EFHD2: variants seen among roughly 807,000 people sequenced by gnomAD.
EFHD2 encodes the protein EF-hand domain family member D2.
Under a neutral mutation model 20.3 loss-of-function variants are expected in EFHD2, and 12 were observed. The ratio of observed to expected loss-of-function variants is 0.59; its 90% CI spans 0.38 to 0.96. The LOEUF is 0.96. EFHD2 is among the 40% of genes least tolerant of loss of function. The pLI, the probability that EFHD2 is intolerant of heterozygous loss-of-function variation, is 0.00. For missense variants in EFHD2, 250 were observed against 334.3 expected (o/e 0.75, Z 1.97); for synonymous variants, 131 against 143.9 (o/e 0.91, Z 0.64).
rs1409703171 is a variant in EFHD2 at position 15,426,666 on chromosome 1, G to T, written c.457-484G>T. ...AGGGGCAGGTGGGGGAGTGCGAGTG[G>T]CTGGGCGGGAGGTGTGGGCAGTGCA... On this transcript the variant is annotated intron_variant, in intron 2 of 3. Transcript: ENST00000375980. The surrounding 1 kb of genome is among the most constrained non-coding windows in gnomAD (Gnocchi z 4.6). Among the ~76,000 whole-genome samples the T allele has an allele frequency of 1.3e-5, 2 of 152,132 alleles. No individual in the cohort carries two copies. Among genetic ancestry groups the T allele is most frequent in the African/African-American group, 2.4e-5 (1 of 41,418 alleles).
intron 1 of EFHD2, among the ~76,000 whole-genome samples, chr1:15,420,343 T>G (rs1707768775): frequency 6.6e-6 from 1 of 152,158 alleles, no homozygotes. Flanking sequence ...TTTTCTTTTT[T>G]GTGTTTGTTT....
Position 15,414,694 on chromosome 1 carries a change from G to A in EFHD2, c.308+4415G>A, listed in dbSNP as rs193047011. On this transcript the variant is annotated intron_variant, in intron 1 of 3. Transcript: ENST00000375980. Reference sequence around the variant, plus strand: ...GAGCTTCCAGGTCTGCCAGGTTGTCGACAACCCTTTGCTTTGGGCCCTAGT... The same window carrying A: ...GAGCTTCCAGGTCTGCCAGGTTGTCAACAACCCTTTGCTTTGGGCCCTAGT... Among the ~76,000 whole-genome samples the A allele has an allele frequency of 4.9e-4, 75 of 152,174 alleles. 2 individuals carry two copies. Among genetic ancestry groups the A allele is most frequent in the South Asian group, 2.1e-4 (1 of 4,832 alleles).
chr1:15,417,981 CTTTTTTTT>C (rs57589251), intron 1 of EFHD2, among the ~76,000 whole-genome samples: 17 of 97,078 alleles, frequency 1.8e-4, no homozygotes, highest in South Asian at 7.5e-4. Context: ...CTTTCTTTTT[CTTTTTTTT>C]TTTTTTTTTT....
chr1:15,420,038 G>C (rs530654883), intron 1 of EFHD2, among the ~76,000 whole-genome samples: 13 of 152,240 alleles, frequency 8.5e-5, no homozygotes, highest in African/African-American at 3.1e-4. Flanking sequence ...CATGCTGGAG[G>C]GATCCCCTGG....
chr1:15,413,700 T>C lies in EFHD2; in HGVS notation c.308+3421T>C, dbSNP rs1707590071. Among the ~76,000 whole-genome samples the C allele has an allele frequency of 6.6e-6, 1 of 152,134 alleles. No individual in the cohort carries two copies. Among genetic ancestry groups the C allele is most frequent in the South Asian group, 2.1e-4 (1 of 4,822 alleles). ...GAGGGAACCAAGACCCAGAAAGATG[T>C]GGCGGTGACTTGCTCGGGGTTACGG... On this transcript the variant is annotated intron_variant, in intron 1 of 3. Transcript: ENST00000375980. The surrounding 1 kb of genome is among the most constrained non-coding windows in gnomAD (Gnocchi z 4.4).
Position 15,409,951 on chromosome 1 carries a change from G to T in EFHD2, c.-21G>T. 8.1e-7 allele frequency: 1 copy of T among 1,229,966 alleles called. No homozygotes were observed. The highest frequency in any genetic ancestry group is 3.7e-5 in the South Asian group (1 of 27,090). 76.2% of individuals were successfully genotyped at this position (1,229,966 alleles called of 1,614,324 possible). On this transcript the variant is annotated 5_prime_UTR_variant, in exon 1 of 4. Coordinates refer to ENST00000375980, the MANE Select transcript of EFHD2 (RefSeq NM_024329.6). ...CGCTGAGAGCAGGGGCCCGGCCAAGGCGAGTGCCGCGCGGGCCACCATGGC... is the reference window on the plus strand; with the variant it reads ...CGCTGAGAGCAGGGGCCCGGCCAAGTCGAGTGCCGCGCGGGCCACCATGGC...
intron 3 of EFHD2, 31 bp from the exon 4 acceptor site, chr1:15,428,562 C>T: frequency 6.2e-7 from 1 of 1,606,610 alleles, no homozygotes; most frequent in Non-Finnish European, 8.5e-7. Context: ...CACCATCCAG[C>T]CCTGACCCCC....
chr1:15,417,365 C>CT (rs1707690689), intron 1 of EFHD2, among the ~76,000 whole-genome samples: 1 of 152,176 alleles, frequency 6.6e-6, no homozygotes, highest in South Asian at 2.1e-4. Flanking sequence ...ACTATCATAA[C>CT]AATAATGACT....
At chr1:15,410,907 A>G (rs1707485936) in intron 1 of EFHD2, among the ~76,000 whole-genome samples, 1 of 151,994 alleles carries the variant, frequency 6.6e-6, no homozygotes, top group South Asian at 2.1e-4. Context: ...CCAGTTACTT[A>G]GCGTCTACCA....
chr1:15,419,803 T>C (rs1470039755), intron 1 of EFHD2, among the ~76,000 whole-genome samples: 1 of 152,154 alleles, frequency 6.6e-6, no homozygotes, highest in Non-Finnish European at 1.5e-5. Flanking sequence ...TCGTGGAACC[T>C]CGTTCTCTCC....
At chr1:15,422,730 G>A (rs1033894330) in intron 1 of EFHD2, among the ~76,000 whole-genome samples, 4 of 152,038 alleles carry the variant, frequency 2.6e-5, no homozygotes, top group Admixed American at 6.5e-5. Context: ...GCGTGGTGGC[G>A]GGCACCTGTA....
chr1:15,425,845 G>A (rs1707865175), intron 1 of EFHD2, 26 bp from the exon 2 acceptor site: 1 of 1,602,520 alleles, frequency 6.2e-7, no homozygotes, highest in Admixed American at 1.7e-5. Flanking sequence ...CCAGTGCCAA[G>A]ATGTCCTCTC....
intron 1 of EFHD2, among the ~76,000 whole-genome samples, chr1:15,411,289 C>T (rs191921212): frequency 1.5e-4 from 23 of 151,828 alleles, no homozygotes; most frequent in Non-Finnish European, 4.4e-5. Flanking sequence ...CCCTGTTACC[C>T]CCACCCCTAC....
intron 3 of EFHD2, chr1:15,428,128 T>C (rs939988575): frequency 5.1e-6 from 2 of 392,770 alleles, no homozygotes; most frequent in African/African-American, 4.2e-5. Context: ...GGGCCAGAGC[T>C]GGTGAGGTCA....
At position 15,426,982 on chromosome 1, in the gene EFHD2, G is replaced by A. The variant is rs1707881007; in HGVS notation, c.457-168G>A. On this transcript the variant is annotated intron_variant, in intron 2 of 3. Coordinates refer to ENST00000375980, the MANE Select transcript of EFHD2 (RefSeq NM_024329.6). The surrounding 1 kb of genome is among the most constrained non-coding windows in gnomAD (Gnocchi z 4.6). ...TCCTCCCATTGTACAGTTGGGCAGAGGCCCAGTGAAGGGGCTCACGGGAGC... is the reference window on the plus strand; with the variant it reads ...TCCTCCCATTGTACAGTTGGGCAGAAGCCCAGTGAAGGGGCTCACGGGAGC... 6.6e-6 allele frequency among the ~76,000 whole-genome samples: 1 copy of A among 152,186 alleles called. No individual in the cohort carries two copies. Among genetic ancestry groups the A allele is most frequent in the Admixed American group, 6.5e-5 (1 of 15,280 alleles).
intron 1 of EFHD2, among the ~76,000 whole-genome samples, chr1:15,419,426 G>A (rs1463323911): frequency 2.6e-5 from 4 of 152,228 alleles, no homozygotes; most frequent in Non-Finnish European, 5.9e-5. Flanking sequence ...CTGCCGAATG[G>A]CATTGGCCTT....
rs897668597 is a variant in EFHD2 at position 15,426,409 on chromosome 1, G to A, written c.456+391G>A. 3.9e-5 allele frequency among the ~76,000 whole-genome samples: 6 copies of A among 152,310 alleles called. No homozygotes were observed. The highest frequency in any genetic ancestry group is 1.2e-4 in the African/African-American group (5 of 41,562). Reference sequence around the variant, plus strand: ...CTGTGATGCAGAGGAAGAGGGCCACGGCACTGGGTGACTTCACGCCCAGGA... The same window carrying A: ...CTGTGATGCAGAGGAAGAGGGCCACAGCACTGGGTGACTTCACGCCCAGGA... On this transcript the variant is annotated intron_variant, in intron 2 of 3. Transcript: ENST00000375980. This position sits in a 1 kb window ranked among gnomAD's most constrained non-coding sequence, Gnocchi z 4.6.
intron 1 of EFHD2, among the ~76,000 whole-genome samples, chr1:15,415,966 G>A (rs560827900): frequency 3.3e-5 from 5 of 152,184 alleles, no homozygotes; most frequent in African/African-American, 9.6e-5. Flanking sequence ...GGGAGCCTCC[G>A]AGAGCCTTAG....
intron 1 of EFHD2, among the ~76,000 whole-genome samples, chr1:15,412,408 A>G (rs925503435): frequency 2.0e-5 from 3 of 152,204 alleles, no homozygotes; most frequent in African/African-American, 7.2e-5. Context: ...AGGGTGTTAA[A>G]TAACTCGCCA....
Sources: gnomAD v4.1 joint callset for allele counts (sites outside exome capture counted in the v4.1 genomes callset) on GRCh38, gnomAD v4.1.1 for gene constraint, Gnocchi (gnomAD v3.1) non-coding constraint, MANE v1.5 for transcripts, NCBI Gene and HGNC (gene_info 2026-07-23, HGNC 2026-07-21) for gene names.